The following NXNL2 variants were observed in gnomAD, a reference collection of about 807,000 sequenced individuals.
The protein encoded by NXNL2 is nucleoredoxin like 2, also known as nucleoredoxin-like protein 2.
NXNL2 carries 7 observed loss-of-function variants against 11.1 expected under a neutral mutation model. The ratio of observed to expected loss-of-function variants is 0.63; its 90% CI spans 0.36 to 1.18. The LOEUF (loss-of-function observed/expected upper bound fraction) is 1.18, where lower values mean the gene tolerates loss of function less well. Among genes scored for constraint, NXNL2 ranks in the 50% most tolerant of loss-of-function variants. The pLI is 0.02. For missense variants in NXNL2, 233 were observed against 217.7 expected (o/e 1.07, Z -0.44); for synonymous variants, 109 against 101.8 (o/e 1.07, Z -0.42).
intron 2 of NXNL2, among the ~76,000 whole-genome samples, chr9:88,572,482 A>G (rs1459381219): frequency 1.3e-5 from 2 of 152,190 alleles, no homozygotes; most frequent in African/African-American, 4.8e-5. Context: ...CATGCACAGT[A>G]CACCCTGCAG....
intron 1 of NXNL2, chr9:88,571,018 C>T (rs1350579958): frequency 5.2e-6 from 2 of 380,996 alleles, no homozygotes; most frequent in South Asian, 2.0e-5. Flanking sequence ...GCTGGGATTA[C>T]AGGTGTGAGC....
chr9:88,571,806 G>A lies in NXNL2; in HGVS notation c.*16+598G>A, dbSNP rs150433612. Among the ~76,000 whole-genome samples the A allele has an allele frequency of 1.1e-3, 169 of 152,300 alleles. 1 individual carries two copies. Among genetic ancestry groups the A allele is most frequent in the African/African-American group, 3.4e-3 (143 of 41,562 alleles). On this transcript the variant is annotated intron_variant, in intron 2 of 2. Transcript: ENST00000375855. ...GGGCATCTCACTGGGCAAGACGGGG[G>A]TTCAGGCCAGTCCTCCTCAGAATTG...
intron 1 of NXNL2, among the ~76,000 whole-genome samples, chr9:88,566,999 T>TCTATCTATCTATCTATCTATCTAC (rs1564075559): frequency 2.7e-5 from 4 of 145,700 alleles, no homozygotes; most frequent in African/African-American, 1.1e-4. Context: ...TATCTATCTA[T>TCTATCTATCTATCTATCTATCTAC]CTATCTATCT....
chr9:88,546,177 G>C (rs963181793), downstream of NXNL2, among the ~76,000 whole-genome samples: 12 of 151,796 alleles, frequency 7.9e-5, no homozygotes, highest in Non-Finnish European at 1.5e-4. Flanking sequence ...GTGTGTGTGT[G>C]AGAACCACAA....
chr9:88,541,478 C>A (rs1472387133), intron 1 of NXNL2, among the ~76,000 whole-genome samples: 1 of 152,146 alleles, frequency 6.6e-6, no homozygotes, highest in Non-Finnish European at 1.5e-5. Context: ...CCAGGGATGT[C>A]TTGAACTCTT....
chr9:88,577,384 G>A (rs1020204500), downstream of NXNL2, among the ~76,000 whole-genome samples: 2 of 152,048 alleles, frequency 1.3e-5, no homozygotes, highest in African/African-American at 4.8e-5. Context: ...CAATGGACAC[G>A]GTGGCCTCTG....
chr9:88,564,286 T>TATCTATC (rs1830135005), intron 1 of NXNL2, among the ~76,000 whole-genome samples: 8 of 20,182 alleles, frequency 4.0e-4, no homozygotes, highest in African/African-American at 1.5e-3. Context: ...ATCTATCTAT[T>TATCTATC]ATCTATCTAT....
At chr9:88,546,302 A>G (rs1034914208), downstream of NXNL2, among the ~76,000 whole-genome samples, 10 of 151,704 alleles carry the variant, frequency 6.6e-5, no homozygotes, top group African/African-American at 2.2e-4. Context: ...GACTAGAGGG[A>G]GAGGCAGGGT....
chr9:88,555,656 AG>A (rs1327432184), intron 1 of NXNL2, among the ~76,000 whole-genome samples: 1 of 152,130 alleles, frequency 6.6e-6, no homozygotes, highest in Non-Finnish European at 1.5e-5. Flanking sequence ...AAAGGAAAAA[AG>A]CCCTGGCGAT....
At position 88,535,653 on chromosome 9, in the gene NXNL2, C is replaced by T. The variant is rs1331267528; in HGVS notation, c.219C>T (p.Asp73=). 7.5e-6 allele frequency: 12 copies of T among 1,608,494 alleles called. No individual in the cohort carries two copies. The highest frequency in any genetic ancestry group is 7.6e-6 in the Non-Finnish European group (9 of 1,179,322). ...APFEVVFVSA[D]GSSQEMLDFM... ...TCGAAGTGGTCTTCGTGTCAGCCGA[C>T]GGCAGCTCCCAGGAGATGCTGGACT... The change falls in exon 1 of 2, where the codon GAC becomes GAT. Residue 73 remains aspartate, a synonymous_variant. Coordinates refer to ENST00000375854, the MANE Select transcript of NXNL2 (RefSeq NM_001161625.2).
At chr9:88,538,109 C>T (rs958067918) in intron 1 of NXNL2, among the ~76,000 whole-genome samples, 2 of 152,158 alleles carry the variant, frequency 1.3e-5, no homozygotes, top group East Asian at 3.9e-4. Context: ...CAGCTCAGGG[C>T]CCAGAGGGGA....
intron 1 of NXNL2, among the ~76,000 whole-genome samples, chr9:88,554,333 G>A (rs1829983737): frequency 1.3e-5 from 2 of 152,310 alleles, no homozygotes; most frequent in South Asian, 4.1e-4. Flanking sequence ...AGCCTCCTGA[G>A]TAGCTGGGAT....
Position 88,559,483 on chromosome 9 carries a change from C to A in NXNL2, c.303-11604C>A, listed in dbSNP as rs75893315. On this transcript the variant is annotated intron_variant, in intron 1 of 2. Transcript: ENST00000375855. ...CTGGTACTTGCCCCTCCAACAGCAA[C>A]AACAGCAAATCGAATTGCAAAGGGC... 3.0e-3 allele frequency among the ~76,000 whole-genome samples: 459 copies of A among 152,306 alleles called. 8 individuals carry two copies. The highest frequency in any genetic ancestry group is 0.029 in the East Asian group (150 of 5,176).
At chr9:88,575,249 T>C in exon 3 of NXNL2, 1 of 742,448 alleles carries the variant, frequency 1.3e-6, no homozygotes, top group Non-Finnish European at 1.6e-6. Flanking sequence ...CTGCTGGGTA[T>C]ATACCCGAAA....
intron 1 of NXNL2, among the ~76,000 whole-genome samples, chr9:88,551,132 T>G (rs990351796): frequency 6.6e-6 from 1 of 152,232 alleles, no homozygotes; most frequent in Non-Finnish European, 1.5e-5. Context: ...TTCTATACTT[T>G]CATGATGCCT....
downstream of NXNL2, among the ~76,000 whole-genome samples, chr9:88,576,366 T>C (rs770216891): frequency 2.6e-5 from 4 of 152,234 alleles, no homozygotes; most frequent in African/African-American, 4.8e-5. Flanking sequence ...CTTTCTCACG[T>C]TGGGGACTCA....
chr9:88,552,156 G>T (rs918673213), intron 1 of NXNL2, among the ~76,000 whole-genome samples: 8 of 152,032 alleles, frequency 5.3e-5, no homozygotes, highest in African/African-American at 1.5e-4. Flanking sequence ...TCCAGCTCTG[G>T]CCCAGATCAC....
chr9:88,551,609 T>A (rs1829933581), intron 1 of NXNL2, among the ~76,000 whole-genome samples: 1 of 152,194 alleles, frequency 6.6e-6, no homozygotes, highest in African/African-American at 2.4e-5. Context: ...AATGTCTTCT[T>A]TCTGCACAGT....
At chr9:88,581,483 G>A (rs180881623) in intron 1 of NXNL2, among the ~76,000 whole-genome samples, 3 of 151,802 alleles carry the variant, frequency 2.0e-5, no homozygotes, top group Non-Finnish European at 2.9e-5. Flanking sequence ...TGCCCAGGCT[G>A]CAGGAGTGCA....
Sources: gnomAD v4.1 joint callset for allele counts (sites outside exome capture counted in the v4.1 genomes callset) on GRCh38, gnomAD v4.1.1 for gene constraint, MANE v1.5 for transcripts, NCBI Gene and HGNC (gene_info 2026-07-23, HGNC 2026-07-21) for gene names.